Variants in CHLSN observed in about 807,000 individuals in gnomAD.
CHLSN encodes protein cholesin.
At chr7:983,241 C>G in the CHLSN span, 5 of 1,529,596 alleles carry the variant, frequency 3.3e-6, no homozygotes, top group Admixed American at 8.0e-5. Flanking sequence ...TGTTCCTGGG[C>G]CTCCTGGGGC....
the CHLSN span, among the ~76,000 whole-genome samples, chr7:1,112,426 G>A: frequency 1.3e-5 from 2 of 152,204 alleles, no homozygotes; most frequent in Admixed American, 6.5e-5. Flanking sequence ...CTGGCAAGGT[G>A]GCTGGGACGG....
chr7:1,117,345 GGAT>G, the CHLSN span, among the ~76,000 whole-genome samples: 7 of 106,926 alleles, frequency 6.5e-5, no homozygotes, highest in Non-Finnish European at 9.2e-5. Context: ...CGCCCACGCA[GGAT>G]GATGACATCA....
chr7:1,001,758 G>A, the CHLSN span, among the ~76,000 whole-genome samples: 1 of 122,932 alleles, frequency 8.1e-6, no homozygotes, highest in African/African-American at 3.2e-5. Context: ...TGGGTGAGTG[G>A]AGTCCTGCGG....
chr7:986,555 A>G, the CHLSN span: 3 of 1,567,162 alleles, frequency 1.9e-6, no homozygotes, highest in Non-Finnish European at 2.6e-6. Context: ...GCTGGGGACG[A>G]TCACCGCCTG....
chr7:1,129,348 CGGGCTGG>C, the CHLSN span, among the ~76,000 whole-genome samples: 1 of 20,328 alleles, frequency 4.9e-5, no homozygotes, highest in Admixed American at 3.6e-4. Context: ...CACCGTCACC[CGGGCTGG>C]AGTGCAGTGG....
the CHLSN span, chr7:1,057,469 C>G: frequency 9.8e-6 from 7 of 715,086 alleles, no homozygotes; most frequent in African/African-American, 1.2e-4. Flanking sequence ...CGCGAGCTGA[C>G]CACCTGTTCC....
chr7:1,061,767 G>A, the CHLSN span, among the ~76,000 whole-genome samples: 3 of 147,818 alleles, frequency 2.0e-5, no homozygotes, highest in South Asian at 2.2e-4. Flanking sequence ...CCAGGCAGCC[G>A]TCTCCCCAAC....
At chr7:1,094,042 A>G in the CHLSN span, among the ~76,000 whole-genome samples, 33,988 of 152,208 alleles carry the variant, frequency 0.22, 4,017 homozygotes, top group African/African-American at 0.25. Context: ...GTGCCATGAC[A>G]AGCTTCCCAT....
chr7:1,038,430 T>TG, the CHLSN span, among the ~76,000 whole-genome samples: 1 of 55,196 alleles, frequency 1.8e-5, no homozygotes, highest in Non-Finnish European at 3.5e-5. Context: ...GGGAGGGAGA[T>TG]GGGGGGGTCA....
the CHLSN span, among the ~76,000 whole-genome samples, chr7:994,188 C>T: frequency 1.3e-3 from 202 of 152,280 alleles, no homozygotes; most frequent in African/African-American, 4.3e-3. Context: ...GACAGAGTCT[C>T]GCTCTGTCAC....
the CHLSN span, among the ~76,000 whole-genome samples, chr7:1,118,891 G>A: frequency 6.6e-6 from 1 of 151,084 alleles, no homozygotes; most frequent in African/African-American, 2.4e-5. Context: ...TAAACAGTGT[G>A]GTAAAGACCT....
At chr7:986,910 C>G in the CHLSN span, 653 of 1,339,796 alleles carry the variant, frequency 4.9e-4, 5 homozygotes, top group East Asian at 0.012. Context: ...TCCCTACCTC[C>G]TGGCTGGGGG....
At chr7:993,156 C>T in the CHLSN span, among the ~76,000 whole-genome samples, 4 of 152,100 alleles carry the variant, frequency 2.6e-5, no homozygotes, top group African/African-American at 7.2e-5. Flanking sequence ...AGCAGGGGTA[C>T]GAGTGCTTCT....
chr7:984,519 G>C, the CHLSN span: 2 of 1,553,074 alleles, frequency 1.3e-6, no homozygotes, highest in Non-Finnish European at 1.7e-6. Context: ...GCCCCGGGCA[G>C]GAGCTGGCCG....
the CHLSN span, among the ~76,000 whole-genome samples, chr7:1,088,485 C>A: frequency 6.6e-6 from 1 of 152,166 alleles, no homozygotes; most frequent in Admixed American, 6.5e-5. The surrounding 1 kb of genome is among the most constrained non-coding windows in gnomAD (Gnocchi z 4.5). Flanking sequence ...AGGCACAGAC[C>A]CCTCTCCCCC....
the CHLSN span, among the ~76,000 whole-genome samples, chr7:1,121,369 C>A: frequency 4.6e-5 from 7 of 152,200 alleles, no homozygotes; most frequent in African/African-American, 1.7e-4. Context: ...CCACTCAGCC[C>A]CAAGAGTTCA....
chr7:1,014,098 G>A, the CHLSN span, among the ~76,000 whole-genome samples: 1,850 of 152,246 alleles, frequency 0.012, 32 homozygotes, highest in African/African-American at 0.041. Flanking sequence ...CGCGGCACTC[G>A]TGCAGTCAAA....
At chr7:1,110,286 C>A in the CHLSN span, among the ~76,000 whole-genome samples, 2 of 152,366 alleles carry the variant, frequency 1.3e-5, no homozygotes, top group African/African-American at 2.4e-5. Flanking sequence ...GCTAAACAAT[C>A]CGCTGTGAAA....
the CHLSN span, among the ~76,000 whole-genome samples, chr7:1,010,417 CCA>C: frequency 6.6e-6 from 1 of 152,234 alleles, no homozygotes; most frequent in Non-Finnish European, 1.5e-5. Flanking sequence ...GGTCCACCTC[CCA>C]CAGACTCCCG....
Sources: gnomAD v4.1 joint callset for allele counts (sites outside exome capture counted in the v4.1 genomes callset) on GRCh38, gnomAD v4.1.1 for gene constraint, Gnocchi (gnomAD v3.1) non-coding constraint, MANE v1.5 for transcripts, NCBI Gene and HGNC (gene_info 2026-07-23, HGNC 2026-07-21) for gene names.